SPOPL: variants seen among roughly 807,000 people sequenced by gnomAD.
SPOPL encodes the protein speckle-type POZ protein-like.
Under a neutral mutation model 53.8 loss-of-function variants are expected in SPOPL, and 23 were observed. The ratio of observed to expected loss-of-function variants is 0.43; its 90% CI spans 0.31 to 0.61. The LOEUF (loss-of-function observed/expected upper bound fraction) is 0.61. Ranked by LOEUF, SPOPL falls within the 20% of genes least tolerant of loss-of-function variation. The pLI, the probability that SPOPL is intolerant of heterozygous loss-of-function variation, is 0.12. For missense variants in SPOPL, 442 were observed against 466.9 expected (o/e 0.95, Z 0.49); for synonymous variants, 164 against 149.7 (o/e 1.10, Z -0.70).
chr2:138,532,778 G>A (rs1684841681), intron 1 of SPOPL, among the ~76,000 whole-genome samples: 1 of 151,980 alleles, frequency 6.6e-6, no homozygotes, highest in African/African-American at 2.4e-5. Context: ...GACTTGAAAT[G>A]TCAGCCCACC....
intron 1 of SPOPL, among the ~76,000 whole-genome samples, chr2:138,508,223 T>C (rs527342465): frequency 8.9e-4 from 135 of 152,370 alleles, no homozygotes; most frequent in Admixed American, 1.7e-3. Context: ...GGATAAACTT[T>C]TTGAAGAATA....
Position 138,550,250 on chromosome 2 carries a change from G to C in SPOPL, c.34G>C (p.Asp12His). 1 of 1,613,638 alleles carries C rather than the reference G, an allele frequency of 6.2e-7. No individual in the cohort carries two copies. Among genetic ancestry groups the C allele is most frequent in the South Asian group, 1.1e-5 (1 of 91,072 alleles). Residue 12 changes from aspartate (D) to histidine (H), a missense_variant, in exon 2 of 11, where the codon GAT becomes CAT. By Grantham distance (81) the Asp-to-His change is moderately conservative. Transcript: ENST00000280098. ...GGAACCCACCCCACCTCTACCTGGA[G>C]ATATGTCTACTGGTCCCATAGCAGA... is the stretch of plus-strand genomic sequence containing the variant. ...SREPTPPLPGDMSTGPIAESW... is the reference protein window; with the variant it reads ...SREPTPPLPGHMSTGPIAESW...
intron 1 of SPOPL, among the ~76,000 whole-genome samples, chr2:138,528,153 C>A (rs1474893607): frequency 6.6e-6 from 1 of 152,152 alleles, no homozygotes; most frequent in Non-Finnish European, 1.5e-5. Flanking sequence ...CTTTAGAGGG[C>A]AATTGTTGGG....
chr2:138,534,243 G>A (rs1684879083), intron 1 of SPOPL, among the ~76,000 whole-genome samples: 1 of 152,066 alleles, frequency 6.6e-6, no homozygotes, highest in South Asian at 2.1e-4. Context: ...TTCTGCATCT[G>A]AGGATTCAAC....
intron 1 of SPOPL, among the ~76,000 whole-genome samples, chr2:138,519,969 C>T (rs1380142105): frequency 6.6e-6 from 1 of 151,990 alleles, no homozygotes; most frequent in African/African-American, 2.4e-5. Context: ...GGTATAGGGA[C>T]AAAGGGTGGT....
At chr2:138,513,382 G>A (rs903254097) in intron 1 of SPOPL, among the ~76,000 whole-genome samples, 3 of 152,034 alleles carry the variant, frequency 2.0e-5, no homozygotes, top group Admixed American at 6.6e-5. Flanking sequence ...GTGAAACCCC[G>A]TCTCTACTAA....
chr2:138,508,003 T>A (rs191977952), intron 1 of SPOPL, among the ~76,000 whole-genome samples: 4 of 152,292 alleles, frequency 2.6e-5, no homozygotes, highest in Admixed American at 2.0e-4. Context: ...TTTAGGGAGT[T>A]TAAAAGGAAA....
intron 1 of SPOPL, among the ~76,000 whole-genome samples, chr2:138,538,872 A>C (rs560627281): frequency 3.2e-4 from 49 of 152,176 alleles, no homozygotes; most frequent in Admixed American, 5.9e-4. Flanking sequence ...AACATTAGGA[A>C]TATCTCCTAA....
chr2:138,512,279 C>T (rs1326862721), intron 1 of SPOPL, among the ~76,000 whole-genome samples: 2 of 152,118 alleles, frequency 1.3e-5, no homozygotes, highest in South Asian at 2.1e-4. Context: ...AAAAATAATA[C>T]TGTATAAAGT....
Position 138,546,156 on chromosome 2 carries a change from G to A in SPOPL, c.-60-4001G>A, listed in dbSNP as rs73959468. ...ATATATAAAACATTGTGACATTGAA[G>A]CATTTTGTTGAAGTAGAAAGTCTTG... On this transcript the variant is annotated intron_variant, in intron 1 of 10. Coordinates refer to ENST00000280098, the MANE Select transcript of SPOPL (RefSeq NM_001001664.3). Among the ~76,000 whole-genome samples, 1,424 of 152,256 alleles carry A rather than the reference G, an allele frequency of 9.4e-3. 26 individuals carry two copies. The highest frequency in any genetic ancestry group is 0.033 in the African/African-American group (1,356 of 41,520).
At chr2:138,535,745 C>G (rs537045919) in intron 1 of SPOPL, among the ~76,000 whole-genome samples, 1 of 152,004 alleles carries the variant, frequency 6.6e-6, no homozygotes, top group African/African-American at 2.4e-5. Flanking sequence ...TGTCTTTCTT[C>G]TCCTTCTGAT....
rs1220829095 is a variant in SPOPL, at chr2:138,572,815, A to G, written c.*3735A>G. 6.6e-6 allele frequency: 1 copy of G among 152,586 alleles called. No homozygotes were observed. The highest frequency in any genetic ancestry group is 2.1e-4 in the South Asian group (1 of 4,832). The allele number at this position is 152,586 out of a possible 1,614,324, so 9.5% of individuals were successfully genotyped here. ...CCAGTTGAACAAATATTGAGTGCCT[A>G]TCATATGCAAGACTAACTCCTTACT... On this transcript the variant is annotated 3_prime_UTR_variant, in exon 11 of 11. Coordinates refer to ENST00000280098, the MANE Select transcript of SPOPL (RefSeq NM_001001664.3).
At chr2:138,511,331 A>G (rs1037019779) in intron 1 of SPOPL, among the ~76,000 whole-genome samples, 1 of 152,116 alleles carries the variant, frequency 6.6e-6, no homozygotes, top group African/African-American at 2.4e-5. Flanking sequence ...TGAAACCAGT[A>G]TTTTTTCTTA....
chr2:138,540,816 G>C (rs1685055005), intron 1 of SPOPL, among the ~76,000 whole-genome samples: 2 of 152,112 alleles, frequency 1.3e-5, no homozygotes, highest in South Asian at 2.1e-4. Flanking sequence ...TCCCTGTCTT[G>C]TGCCAGTTTT....
chr2:138,522,389 T>G (rs547563372), intron 1 of SPOPL, among the ~76,000 whole-genome samples: 169 of 152,272 alleles, frequency 1.1e-3, no homozygotes, highest in Non-Finnish European at 2.2e-3. Context: ...GCTATTTCAC[T>G]TATGCCTCAA....
intron 1 of SPOPL, among the ~76,000 whole-genome samples, chr2:138,508,382 G>C (rs992295358): frequency 1.3e-5 from 2 of 152,022 alleles, no homozygotes; most frequent in Non-Finnish European, 2.9e-5. Flanking sequence ...GCCCAGGCTG[G>C]AGTGCAGTGA....
Position 138,559,343 on chromosome 2 carries a change from C to T in SPOPL, c.714+6C>T. 6.2e-7 allele frequency: 1 copy of T among 1,607,594 alleles called. No homozygotes were observed. The highest frequency in any genetic ancestry group is 8.5e-7 in the Non-Finnish European group (1 of 1,177,166). On this transcript the variant is annotated splice_donor_region_variant and intron_variant, in intron 7 of 10. Coordinates refer to ENST00000280098, the MANE Select transcript of SPOPL (RefSeq NM_001001664.3). The stretch of plus-strand genomic sequence containing the variant: ...AAATGGAAGAAAGCAAAAAGGTAAA[C>T]ATGGCTTAAAGGCTAATATTGAATT...
intron 1 of SPOPL, among the ~76,000 whole-genome samples, chr2:138,530,366 C>G (rs1684780649): frequency 6.6e-6 from 1 of 152,088 alleles, no homozygotes; most frequent in Non-Finnish European, 1.5e-5. Context: ...ATTGCTGGGT[C>G]GAATGGTAGT....
Position 138,559,298 on chromosome 2 carries a change from T to G in SPOPL, c.675T>G (p.Phe225Leu). The G allele has an allele frequency of 6.2e-7, 1 of 1,612,884 alleles. No homozygotes were observed. The highest frequency in any genetic ancestry group is 1.1e-5 in the South Asian group (1 of 90,694). Residue 225 changes from phenylalanine to leucine, a missense_variant, in exon 7 of 11, where the codon TTT becomes TTG. Coordinates refer to ENST00000280098, the MANE Select transcript of SPOPL (RefSeq NM_001001664.3). ...TTGTTACAGCTCGATCTCCAGTTTT[T>G]AACGCCATGTTTGAACATGAAATGG... is the stretch of plus-strand genomic sequence containing the variant. ...KSVLAARSPV[F>L]NAMFEHEMEE...
Sources: allele counts gnomAD v4.1 joint callset (sites outside exome capture counted in the v4.1 genomes callset), GRCh38; gene constraint gnomAD v4.1.1; transcripts MANE v1.5; gene names NCBI Gene and HGNC (gene_info 2026-07-23, HGNC 2026-07-21).